RUFY3: variants seen among roughly 807,000 people sequenced by gnomAD.
The protein encoded by RUFY3 is protein RUFY3.
Under a neutral mutation model 84.0 loss-of-function variants are expected in RUFY3, and 34 were observed. That is an observed-to-expected ratio of 0.40 (90% CI 0.31 to 0.54). The LOEUF (loss-of-function observed/expected upper bound fraction) is 0.54. Among genes scored for constraint, RUFY3 ranks in the 20% least tolerant of loss-of-function variants. RUFY3 has a pLI of 0.39. For synonymous variants in RUFY3, 242 were observed against 252.9 expected, an observed-to-expected ratio of 0.96 and a Z score of 0.41; for missense variants, 507 against 736.8, an observed-to-expected ratio of 0.69 and a Z score of 3.61.
intron 8 of RUFY3, among the ~76,000 whole-genome samples, chr4:70,781,084 C>CAA (rs35495444): frequency 3.7e-4 from 41 of 112,050 alleles, no homozygotes; most frequent in Middle Eastern, 4.9e-3. Context: ...CCCCATCTCA[C>CAA]AAAAAAAAAA....
In RUFY3 at chr4:70,722,091, T is replaced by A; in HGVS notation, c.-483T>A. 4 of 1,231,706 alleles carry A rather than the reference T, an allele frequency of 3.2e-6. No individual in the cohort carries two copies. Among genetic ancestry groups the A allele is most frequent in the Non-Finnish European group, 4.0e-6 (4 of 987,688 alleles). 76.3% of individuals were successfully genotyped at this position (1,231,706 alleles called of 1,614,324 possible). ...TTTCTGCAGCTCAGGATTTTTTTTTTAAGCTACATTGAAAATATAGGTTTA... is the reference window on the plus strand; with the variant it reads ...TTTCTGCAGCTCAGGATTTTTTTTTAAAGCTACATTGAAAATATAGGTTTA... On this transcript the variant is annotated 5_prime_UTR_variant, in exon 1 of 18. Transcript: ENST00000381006.
At chr4:70,752,782 C>T (rs1723340569) in intron 1 of RUFY3, among the ~76,000 whole-genome samples, 1 of 152,114 alleles carries the variant, frequency 6.6e-6, no homozygotes, top group South Asian at 2.1e-4. Context: ...GTTATATAAT[C>T]CTTCTTATAT....
At chr4:70,722,924 G>T (rs1272473617) in intron 1 of RUFY3, among the ~76,000 whole-genome samples, 173 bp downstream of exon 1, 2 of 152,164 alleles carry the variant, frequency 1.3e-5, no homozygotes, top group African/African-American at 4.8e-5. Flanking sequence ...ATGGGGGAAA[G>T]ATAATTTTTT....
At chr4:70,727,771 G>C (rs1718525006) in intron 1 of RUFY3, among the ~76,000 whole-genome samples, 1 of 146,062 alleles carries the variant, frequency 6.8e-6, no homozygotes, top group Non-Finnish European at 1.5e-5. Flanking sequence ...TGGGCAACAA[G>C]AGAGAAACTC....
At chr4:70,788,122 A>C (rs1407386495) in intron 10 of RUFY3, among the ~76,000 whole-genome samples, 1 of 151,904 alleles carries the variant, frequency 6.6e-6, no homozygotes, top group Non-Finnish European at 1.5e-5. Context: ...CGTCTCTACT[A>C]AACATACAAA....
chr4:70,726,111 G>A (rs1190286426), intron 1 of RUFY3, among the ~76,000 whole-genome samples: 1 of 152,118 alleles, frequency 6.6e-6, no homozygotes, highest in Non-Finnish European at 1.5e-5. Context: ...AATGGTCTGG[G>A]TAAGAGATGA....
At chr4:70,723,075 CATATAT>C (rs1717634834) in intron 1 of RUFY3, among the ~76,000 whole-genome samples, 1 of 152,062 alleles carries the variant, frequency 6.6e-6, no homozygotes, top group African/African-American at 2.4e-5. Context: ...TAATTTTGTT[CATATAT>C]GAAAATGTTA....
intron 13 of RUFY3, 40 bp from the exon 14 acceptor site, chr4:70,794,755 A>T: frequency 7.5e-7 from 1 of 1,338,046 alleles, no homozygotes; most frequent in Non-Finnish European, 1.1e-6. Context: ...TCTGTATAGA[A>T]TTCCAATTTT....
intron 2 of RUFY3, among the ~76,000 whole-genome samples, chr4:70,763,318 T>A (rs1725339992): frequency 6.6e-6 from 1 of 152,160 alleles, no homozygotes. Context: ...TTTTATTATA[T>A]TATAGGGCTA....
chr4:70,732,390 T>G (rs1719415813), intron 1 of RUFY3, among the ~76,000 whole-genome samples: 1 of 152,184 alleles, frequency 6.6e-6, no homozygotes, highest in Non-Finnish European at 1.5e-5. Context: ...ACTCAGTGAT[T>G]CCCTATTACT....
At chr4:70,800,548 T>C (rs1278256180) in intron 15 of RUFY3, among the ~76,000 whole-genome samples, 2 of 152,206 alleles carry the variant, frequency 1.3e-5, no homozygotes, top group Non-Finnish European at 2.9e-5. Context: ...CTTAACTTCT[T>C]AAATATATTT....
intron 14 of RUFY3, 124 bp from the exon 15 acceptor site, chr4:70,800,017 C>A: frequency 1.3e-6 from 1 of 766,778 alleles, no homozygotes; most frequent in South Asian, 1.9e-5. Flanking sequence ...AGTTAGATCC[C>A]TTCCCTAATA....
At chr4:70,769,804 T>G (rs1726652618) in intron 5 of RUFY3, among the ~76,000 whole-genome samples, 1 of 151,880 alleles carries the variant, frequency 6.6e-6, no homozygotes, top group Non-Finnish European at 1.5e-5. Context: ...GTACCCTTTA[T>G]TTTTGTTTTG....
At chr4:70,800,292 C>T in intron 15 of RUFY3, 87 bp downstream of exon 15, 1 of 905,236 alleles carries the variant, frequency 1.1e-6, no homozygotes. Flanking sequence ...TTGGCATTGA[C>T]ACCGACCAGA....
Position 70,806,572 on chromosome 4 carries a change from G to T in RUFY3, c.1776G>T (p.Leu592=). ...TFCDACSTNE[L]PLPSSIKLER... Reference sequence around the variant, plus strand: ...GTGATGCCTGTTCAACAAATGAACTGCCTCTTCCTTCAAGTATCAAGCTTG... The same window carrying T: ...GTGATGCCTGTTCAACAAATGAACTTCCTCTTCCTTCAAGTATCAAGCTTG... The change falls in exon 18 of 18, where the codon CTG becomes CTT. Residue 592 remains leucine (L), a synonymous_variant. Coordinates refer to ENST00000381006, the MANE Select transcript of RUFY3 (RefSeq NM_001037442.4). 1 of 1,614,158 alleles carries T rather than the reference G, an allele frequency of 6.2e-7. No individual in the cohort carries two copies. Among genetic ancestry groups the T allele is most frequent in the Non-Finnish European group, 8.5e-7 (1 of 1,180,008 alleles).
At chr4:70,756,060 T>G (rs1002788974) in intron 1 of RUFY3, among the ~76,000 whole-genome samples, 1 of 152,206 alleles carries the variant, frequency 6.6e-6, no homozygotes, top group Non-Finnish European at 1.5e-5. Context: ...GTGCTCTTGC[T>G]GTATTCCCCA....
At chr4:70,779,492 AT>A (rs1447962028) in intron 8 of RUFY3, among the ~76,000 whole-genome samples, 2 of 151,566 alleles carry the variant, frequency 1.3e-5, no homozygotes, top group African/African-American at 4.9e-5. Flanking sequence ...AGCTACAGAT[AT>A]TTTTTCTTTA....
At chr4:70,733,600 G>A (rs1257406958) in intron 1 of RUFY3, among the ~76,000 whole-genome samples, 4 of 152,106 alleles carry the variant, frequency 2.6e-5, no homozygotes, top group Non-Finnish European at 4.4e-5. Context: ...AATAGCCTAA[G>A]AGGAAAATTA....
chr4:70,720,210 C>T (rs1234655027), upstream of RUFY3, among the ~76,000 whole-genome samples: 1 of 152,058 alleles, frequency 6.6e-6, no homozygotes, highest in South Asian at 2.1e-4. Context: ...CGCAACCATA[C>T]CTTGCTAATT....
Sources: gnomAD v4.1 joint callset for allele counts (sites outside exome capture counted in the v4.1 genomes callset) on GRCh38, gnomAD v4.1.1 for gene constraint, MANE v1.5 for transcripts, NCBI Gene and HGNC (gene_info 2026-07-23, HGNC 2026-07-21) for gene names.